The following CTNNA2 variants were observed in gnomAD, a reference collection of about 807,000 sequenced individuals.
CTNNA2 encodes catenin alpha-2.
CTNNA2 carries 42 observed loss-of-function variants against 101.0 expected under a neutral mutation model. The ratio of observed to expected loss-of-function variants is 0.42; its 90% CI spans 0.32 to 0.54. CTNNA2 has a LOEUF of 0.54. Ranked by LOEUF, CTNNA2 falls within the 20% of genes least tolerant of loss-of-function variation. CTNNA2 has a pLI of 0.14. For synonymous variants in CTNNA2, 450 were observed against 456.4 expected, an observed-to-expected ratio of 0.99 and a Z score of 0.18; for missense variants, 871 against 1,223.1, an observed-to-expected ratio of 0.71 and a Z score of 4.29.
intron 2 of CTNNA2, among the ~76,000 whole-genome samples, chr2:79,232,212 T>C (rs1313770972): frequency 6.6e-6 from 1 of 152,178 alleles, no homozygotes; most frequent in Non-Finnish European, 1.5e-5. Context: ...ATGGCTCTTA[T>C]TATTTTGAGG....
chr2:80,246,015 C>G (rs549225769), intron 7 of CTNNA2, among the ~76,000 whole-genome samples: 2 of 151,834 alleles, frequency 1.3e-5, no homozygotes, highest in Non-Finnish European at 2.9e-5. Flanking sequence ...AGGACGGTCT[C>G]GATCTCCTGA....
intron 3 of CTNNA2, among the ~76,000 whole-genome samples, chr2:79,779,555 T>C (rs550663153): frequency 5.3e-4 from 80 of 152,316 alleles, no homozygotes; most frequent in Non-Finnish European, 9.1e-4. Flanking sequence ...TTTTACTTTT[T>C]TCCCTATTGT....
intron 7 of CTNNA2, among the ~76,000 whole-genome samples, chr2:80,326,220 T>G (rs1007371): frequency 6.6e-6 from 1 of 152,076 alleles, no homozygotes; most frequent in South Asian, 2.1e-4. Context: ...GCTATTGTTT[T>G]ACTACCTCTA....
At chr2:79,206,477 C>T (rs543566907) in intron 2 of CTNNA2, among the ~76,000 whole-genome samples, 1 of 152,036 alleles carries the variant, frequency 6.6e-6, no homozygotes, top group Non-Finnish European at 1.5e-5. Flanking sequence ...TTTTATGCAC[C>T]CTTTTGATCT....
intron 3 of CTNNA2, among the ~76,000 whole-genome samples, chr2:79,836,976 A>T (rs76247784): frequency 0.026 from 3,931 of 152,254 alleles, 199 homozygotes; most frequent in African/African-American, 0.09. Context: ...ACTCAATTAT[A>T]TCTACAAAGA....
intron 7 of CTNNA2, among the ~76,000 whole-genome samples, chr2:80,148,551 AAAGTATGGGCCTTACCACC>A (rs1255642121): frequency 6.6e-6 from 1 of 152,212 alleles, no homozygotes; most frequent in Non-Finnish European, 1.5e-5. Context: ...CACCAGAAGC[AAAGTATGGGCCTTACCACC>A]AAGGCCACCT....
intron 7 of CTNNA2, among the ~76,000 whole-genome samples, chr2:79,939,653 A>G (rs989637153): frequency 3.9e-5 from 6 of 152,214 alleles, no homozygotes; most frequent in Non-Finnish European, 7.3e-5. Context: ...CTCAATTAGA[A>G]AACTCTTAGA....
chr2:79,845,039 ATATT>A (rs1426067687), intron 3 of CTNNA2, among the ~76,000 whole-genome samples: 1 of 148,068 alleles, frequency 6.8e-6, no homozygotes, highest in Admixed American at 6.9e-5. Flanking sequence ...TTGTGTATAT[ATATT>A]TGTGTGCATT....
At chr2:80,382,738 G>C (rs1167175595) in intron 7 of CTNNA2, among the ~76,000 whole-genome samples, 2 of 152,194 alleles carry the variant, frequency 1.3e-5, no homozygotes, top group African/African-American at 2.4e-5. Flanking sequence ...TGATTTCTGT[G>C]AATTCTCAGC....
At chr2:80,612,457 ATATTTACTCTT>A (rs1698542744) in intron 17 of CTNNA2, among the ~76,000 whole-genome samples, 1 of 151,610 alleles carries the variant, frequency 6.6e-6, no homozygotes, top group African/African-American at 2.4e-5. Flanking sequence ...AATTGATTTG[ATATTTACTCTT>A]ATACCCTCAA....
At chr2:79,244,898 C>G (rs1237988316) in intron 2 of CTNNA2, among the ~76,000 whole-genome samples, 4 of 151,848 alleles carry the variant, frequency 2.6e-5, no homozygotes, top group Admixed American at 1.3e-4. Context: ...AGTTTGAGAC[C>G]AGCCTGACCA....
Position 80,504,276 on chromosome 2 carries a change from C to T in CTNNA2, c.1291-40706C>T, listed in dbSNP as rs150950351. Among the ~76,000 whole-genome samples, 353 of 152,260 alleles carry T rather than the reference C, an allele frequency of 2.3e-3. 1 individual carries two copies. Among genetic ancestry groups the T allele is most frequent in the African/African-American group, 8.1e-3 (338 of 41,554 alleles). On this transcript the variant is annotated intron_variant, in intron 9 of 18. Coordinates refer to ENST00000402739, the MANE Select transcript of CTNNA2 (RefSeq NM_001282597.3). ...CCAGGGGCTACTCTTTGTTCCCACC[C>T]GATGTTCCTTGCCACATGGTTCTCT...
chr2:79,341,999 C>T (rs1677148961), intron 3 of CTNNA2, among the ~76,000 whole-genome samples: 1 of 152,204 alleles, frequency 6.6e-6, no homozygotes, highest in South Asian at 2.1e-4. Flanking sequence ...TTGACACTCA[C>T]TAACCAGGAA....
At chr2:79,937,618 GA>G (rs1231591717) in intron 7 of CTNNA2, among the ~76,000 whole-genome samples, 4 of 151,922 alleles carry the variant, frequency 2.6e-5, no homozygotes, top group African/African-American at 4.8e-5. Flanking sequence ...GATAACCACA[GA>G]AAAAAATACA....
intron 1 of CTNNA2, among the ~76,000 whole-genome samples, chr2:79,597,156 T>C (rs1258046100): frequency 6.6e-6 from 1 of 152,200 alleles, no homozygotes; most frequent in Admixed American, 6.5e-5. Context: ...AAACATTCTC[T>C]GTTTGTTTTC....
At chr2:79,415,676 T>C (rs1213275554) in intron 4 of CTNNA2, among the ~76,000 whole-genome samples, 1 of 152,094 alleles carries the variant, frequency 6.6e-6, no homozygotes, top group African/African-American at 2.4e-5. Flanking sequence ...AAATCCTTCT[T>C]AGAAGACTGT....
chr2:79,705,554 C>T lies in CTNNA2; in HGVS notation c.103-38833C>T, dbSNP rs565690825. ...TATAAACTCAGGAGTTTTTCCAAAA[C>T]GACTGTACTGATTTCGCTGATAGGG... is the stretch of plus-strand genomic sequence containing the variant. On this transcript the variant is annotated intron_variant, in intron 2 of 18. Transcript: ENST00000402739. 2.0e-5 allele frequency among the ~76,000 whole-genome samples: 3 copies of T among 152,146 alleles called. No individual in the cohort carries two copies. The South Asian group carries it at 6.2e-4, about 32-fold the overall frequency.
At chr2:79,961,679 G>A (rs868217497) in intron 7 of CTNNA2, among the ~76,000 whole-genome samples, 10 of 151,882 alleles carry the variant, frequency 6.6e-5, no homozygotes, top group South Asian at 2.1e-4. Context: ...AAAATTAGCC[G>A]GGCGTGGTGG....
chr2:80,469,858 T>C (rs1685149214), intron 9 of CTNNA2, among the ~76,000 whole-genome samples: 1 of 152,126 alleles, frequency 6.6e-6, no homozygotes, highest in Non-Finnish European at 1.5e-5. Context: ...TCTCTAAGTA[T>C]CTCACTATCT....
Sources: gnomAD v4.1 joint callset for allele counts (sites outside exome capture counted in the v4.1 genomes callset) on GRCh38, gnomAD v4.1.1 for gene constraint, MANE v1.5 for transcripts, NCBI Gene and HGNC (gene_info 2026-07-23, HGNC 2026-07-21) for gene names.